Variants in NIPBL observed in about 807,000 individuals in gnomAD.
NIPBL encodes nipped-B-like protein.
In NIPBL, 19 loss-of-function variants were observed where a neutral mutation model predicts 321.8. The observed-to-expected ratio is 0.06, with a 90% CI of 0.04 to 0.09. The LOEUF (loss-of-function observed/expected upper bound fraction) is 0.09. Among genes scored for constraint, NIPBL ranks in the 10% least tolerant of loss-of-function variants. NIPBL has a pLI of 1.00. For synonymous variants in NIPBL, 1,106 were observed against 1,114.1 expected (o/e 0.99, Z 0.14); for missense variants, 2,210 against 3,327.0 (o/e 0.66, Z 8.26).
At chr5:37,056,638 T>G (rs1324743291) in intron 42 of NIPBL, among the ~76,000 whole-genome samples, 1 of 152,196 alleles carries the variant, frequency 6.6e-6, no homozygotes, top group East Asian at 1.9e-4. Flanking sequence ...TTTGGGTTTT[T>G]TCTTTTAACC....
intron 16 of NIPBL, 124 bp downstream of exon 16, chr5:37,003,471 A>G (rs967949056): frequency 1.6e-6 from 1 of 619,022 alleles, no homozygotes; most frequent in Middle Eastern, 2.9e-4. Flanking sequence ...GTGATCTGAA[A>G]GTAGGTGAAT....
chr5:36,900,894 C>T (rs1451865885), intron 1 of NIPBL, among the ~76,000 whole-genome samples: 6 of 152,012 alleles, frequency 3.9e-5, no homozygotes, highest in African/African-American at 7.2e-5. Context: ...TGATGCCTTC[C>T]TTGTCTCTTT....
intron 30 of NIPBL, among the ~76,000 whole-genome samples, chr5:37,025,979 G>C (rs867603579): frequency 7.2e-5 from 11 of 152,030 alleles, no homozygotes; most frequent in African/African-American, 2.7e-4. Context: ...TGTATAGTAT[G>C]AAGAAGTTCT....
chr5:36,933,757 TC>T (rs1749958370), intron 1 of NIPBL, among the ~76,000 whole-genome samples: 1 of 152,136 alleles, frequency 6.6e-6, no homozygotes, highest in African/African-American at 2.4e-5. Context: ...TCTTCCTTGC[TC>T]CTTCATCAAC....
intron 32 of NIPBL, among the ~76,000 whole-genome samples, chr5:37,030,791 G>C (rs1750912448): frequency 6.6e-6 from 1 of 151,002 alleles, no homozygotes; most frequent in Non-Finnish European, 1.5e-5. Flanking sequence ...GTCTCGCTGT[G>C]TCATGCAGGC....
intron 31 of NIPBL, among the ~76,000 whole-genome samples, chr5:37,026,564 C>G (rs1750291501): frequency 6.6e-6 from 1 of 152,098 alleles, no homozygotes; most frequent in African/African-American, 2.4e-5. Flanking sequence ...CTGAGATTTT[C>G]CTATTCCTCC....
intron 10 of NIPBL, 38 bp from the exon 11 acceptor site, chr5:36,995,584 A>G: frequency 2.0e-6 from 3 of 1,498,602 alleles, no homozygotes. Flanking sequence ...TTATCTTCAG[A>G]TTTACATTTT....
intron 32 of NIPBL, among the ~76,000 whole-genome samples, chr5:37,033,726 A>ATTTT (rs1299371311): frequency 1.0e-3 from 79 of 79,018 alleles, no homozygotes; most frequent in African/African-American, 3.3e-3. Context: ...ATATATATAT[A>ATTTT]TATATTTTTT....
intron 32 of NIPBL, among the ~76,000 whole-genome samples, chr5:37,033,227 C>A (rs1480485177): frequency 6.6e-6 from 1 of 151,846 alleles, no homozygotes; most frequent in East Asian, 1.9e-4. Flanking sequence ...TTCTTCAAAT[C>A]ATGAATAAAA....
At chr5:36,941,988 C>T (rs1739111637) in intron 1 of NIPBL, among the ~76,000 whole-genome samples, 1 of 152,072 alleles carries the variant, frequency 6.6e-6, no homozygotes, top group Non-Finnish European at 1.5e-5. Flanking sequence ...CAGTGGAAAT[C>T]ATAGAAAGGT....
intron 1 of NIPBL, among the ~76,000 whole-genome samples, chr5:36,902,358 C>T (rs549639666): frequency 4.6e-5 from 7 of 152,098 alleles, no homozygotes; most frequent in African/African-American, 1.7e-4. Flanking sequence ...AAGAGTTTTT[C>T]CTAGGTTTTC....
Position 36,958,129 on chromosome 5 carries a change from G to A in NIPBL, c.256G>A (p.Asp86Asn), listed in dbSNP as rs1188531884. 5 of 1,613,936 alleles carry A rather than the reference G, an allele frequency of 3.1e-6. No homozygotes were observed. The South Asian group carries it at 4.4e-5, about 14-fold the overall frequency. The change falls in exon 4 of 47, where the codon GAT becomes AAT. Residue 86 changes from aspartate to asparagine, a missense_variant. Transcript: ENST00000282516. ...AGAGTTGAAAGATAACCTTGGCAGT[G>A]ATGACCCAGAAGGTGACATACCAGT... ...HIELKDNLGS[D>N]DPEGDIPVLL...
At chr5:36,885,410 C>T in intron 1 of NIPBL, 2 of 452,662 alleles carry the variant, frequency 4.4e-6, no homozygotes, top group East Asian at 1.1e-4. Context: ...GTGGATGGCC[C>T]AGGGTCTGGC....
intron 40 of NIPBL, among the ~76,000 whole-genome samples, chr5:37,050,104 T>TA (rs1400712473): frequency 2.6e-5 from 4 of 152,198 alleles, no homozygotes; most frequent in African/African-American, 9.7e-5. Context: ...GTCACCTTTT[T>TA]AAACTACCGA....
intron 10 of NIPBL, among the ~76,000 whole-genome samples, chr5:36,994,605 T>C (rs1745923901): frequency 6.6e-6 from 1 of 152,164 alleles, no homozygotes; most frequent in African/African-American, 2.4e-5. Context: ...ACTCTTTGCT[T>C]CCAATTCATA....
At chr5:37,051,645 C>T (rs766697471) in intron 40 of NIPBL, 134 bp from the exon 41 acceptor site, 1 of 666,816 alleles carries the variant, frequency 1.5e-6, no homozygotes, top group Non-Finnish European at 2.7e-6. Context: ...AAAAAGAACA[C>T]TAAAACATAG....
intron 1 of NIPBL, among the ~76,000 whole-genome samples, chr5:36,945,914 A>G (rs1049379624): frequency 6.6e-6 from 1 of 152,148 alleles, no homozygotes; most frequent in African/African-American, 2.4e-5. Flanking sequence ...CTAGGGACTC[A>G]CTGACCTATT....
intron 1 of NIPBL, among the ~76,000 whole-genome samples, chr5:36,937,216 A>C (rs1425866073): frequency 1.3e-5 from 2 of 152,186 alleles, no homozygotes; most frequent in Non-Finnish European, 2.9e-5. Flanking sequence ...GCTTCTGTCT[A>C]GAAGTGGAAT....
intron 26 of NIPBL, 36 bp downstream of exon 26, chr5:37,020,709 CCTT>C: frequency 6.3e-7 from 1 of 1,598,788 alleles, no homozygotes; most frequent in Non-Finnish European, 8.6e-7. Context: ...ACATTTATCT[CCTT>C]GATATCTATT....
Sources: gnomAD v4.1 joint callset for allele counts (sites outside exome capture counted in the v4.1 genomes callset) on GRCh38, gnomAD v4.1.1 for gene constraint, MANE v1.5 for transcripts, NCBI Gene and HGNC (gene_info 2026-07-23, HGNC 2026-07-21) for gene names.